Variants in PPEF1 observed in about 807,000 individuals in gnomAD.
The protein encoded by PPEF1 is serine/threonine-protein phosphatase with EF-hands 1.
Under a neutral mutation model 53.3 loss-of-function variants are expected in PPEF1, and 12 were observed. The ratio of observed to expected loss-of-function variants is 0.23; its 90% CI spans 0.14 to 0.36. The LOEUF (loss-of-function observed/expected upper bound fraction) is 0.36. Among genes scored for constraint, PPEF1 ranks in the 10% least tolerant of loss-of-function variants. The pLI is 1.00. For synonymous variants in PPEF1, 165 were observed against 176.7 expected (o/e 0.93, Z 0.52); for missense variants, 334 against 490.4 (o/e 0.68, Z 3.01).
chrX:18,713,468 A>G (rs1286655981), intron 1 of PPEF1, among the ~76,000 whole-genome samples: 1 of 92,958 alleles, frequency 1.1e-5, no homozygotes, highest in African/African-American at 4.1e-5. Context: ...CTTATGGAGC[A>G]GGGCAAACCC....
chrX:18,766,932 A>T (rs1181443696), intron 6 of PPEF1, among the ~76,000 whole-genome samples: 1 of 111,759 alleles, frequency 8.9e-6, no homozygotes, highest in Non-Finnish European at 1.9e-5. Flanking sequence ...CATGCCTGTA[A>T]TCCCAGCTAC....
intron 6 of PPEF1, among the ~76,000 whole-genome samples, chrX:18,702,529 C>A (rs898225271): frequency 9.3e-6 from 1 of 107,275 alleles, no homozygotes; most frequent in African/African-American, 3.4e-5. Flanking sequence ...GAAATCAGAC[C>A]ACCTTAAGAA....
At chrX:18,818,366 T>TA in intron 13 of PPEF1, among the ~76,000 whole-genome samples, 1 of 81,024 alleles carries the variant, frequency 1.2e-5, no homozygotes, top group Non-Finnish European at 2.4e-5. Flanking sequence ...AACCCTGAAT[T>TA]AAACTTTTTT....
At chrX:18,789,775 C>G (rs1180515206) in intron 10 of PPEF1, among the ~76,000 whole-genome samples, 1 of 112,364 alleles carries the variant, frequency 8.9e-6, no homozygotes, top group East Asian at 2.8e-4. Context: ...CAGTACTGAA[C>G]ATCTATTTGT....
chrX:18,802,211 G>A (rs1480365142), intron 10 of PPEF1, among the ~76,000 whole-genome samples: 3 of 109,291 alleles, frequency 2.7e-5, no homozygotes. Flanking sequence ...AACACATTCC[G>A]GCACCACCAC....
intron 3 of PPEF1, among the ~76,000 whole-genome samples, chrX:18,737,040 C>G (rs2045000393): frequency 9.0e-6 from 1 of 111,427 alleles, no homozygotes; most frequent in African/African-American, 3.3e-5. Flanking sequence ...ATTAGTCTTG[C>G]TAGCAGTCTA....
chrX:18,749,747 T>TGGGGGGGGGGGGC, intron 3 of PPEF1, 45 bp from the exon 4 acceptor site: 1 of 191,881 alleles, frequency 5.2e-6, no homozygotes, highest in Non-Finnish European at 1.1e-5. Context: ...AAATGTTGAT[T>TGGGGGGGGGGGGC]CCCACCCCCA....
chrX:18,707,959 G>T, intron 1 of PPEF1, 133 bp downstream of exon 1: 1 of 508,939 alleles, frequency 2.0e-6, no homozygotes, highest in East Asian at 3.7e-5. Context: ...CATCGTTAGA[G>T]TAGCATAGGA....
chrX:18,824,288 A>C lies in PPEF1; in HGVS notation c.1665+202A>C, dbSNP rs1292950824. On this transcript the variant is annotated intron_variant, in intron 14 of 15. Coordinates refer to ENST00000470157, the MANE Select transcript of PPEF1 (RefSeq NM_001377996.1). ...AGCCCCGTCTCTACCAAAAATACAAAAATCAGCCGGGTGTGGTCGTGCCCA... is the reference window on the plus strand; with the variant it reads ...AGCCCCGTCTCTACCAAAAATACAACAATCAGCCGGGTGTGGTCGTGCCCA... Among the ~76,000 whole-genome samples, 3 of 110,886 alleles carry C rather than the reference A, an allele frequency of 2.7e-5. No homozygotes were observed. The East Asian group carries it at 8.6e-4, about 32-fold the overall frequency.
chrX:18,821,758 CGAGAGAGAGAGAGAGA>C (rs754652406), intron 13 of PPEF1, among the ~76,000 whole-genome samples: 84 of 28,631 alleles, frequency 2.9e-3, no homozygotes, highest in African/African-American at 0.011. Flanking sequence ...GAAACCATGG[CGAGAGAGAGAGAGAGA>C]GAGAGAGAGA....
At chrX:18,758,138 T>C (rs746748465) in intron 5 of PPEF1, among the ~76,000 whole-genome samples, 1 of 112,164 alleles carries the variant, frequency 8.9e-6, no homozygotes, top group African/African-American at 3.2e-5. Context: ...AATTCTTCTC[T>C]GCCCTTGGCT....
chrX:18,784,518 G>A (rs1435969770), intron 9 of PPEF1, among the ~76,000 whole-genome samples: 2 of 109,340 alleles, frequency 1.8e-5, no homozygotes, highest in Non-Finnish European at 3.8e-5. Context: ...ATCCCAGACC[G>A]AAACTCTGGA....
chrX:18,678,128 CAAAA>C (rs57502489), upstream of PPEF1, among the ~76,000 whole-genome samples: 15 of 33,754 alleles, frequency 4.4e-4, no homozygotes, highest in South Asian at 2.5e-3. Context: ...GAGAACCTGG[CAAAA>C]AAAAAAAAAA....
chrX:18,681,860 C>G (rs1928893950), upstream of PPEF1, among the ~76,000 whole-genome samples: 1 of 111,417 alleles, frequency 9.0e-6, no homozygotes, highest in Non-Finnish European at 1.9e-5. Context: ...GCCCCATAGA[C>G]AGGTTGGCCT....
chrX:18,694,180 C>T (rs1484435361), intron 4 of PPEF1, among the ~76,000 whole-genome samples: 6 of 111,727 alleles, frequency 5.4e-5, no homozygotes, highest in Admixed American at 2.8e-4. Context: ...TATGGATGTC[C>T]CACAGTTTGT....
intron 12 of PPEF1, among the ~76,000 whole-genome samples, chrX:18,808,268 C>T (rs1038501164): frequency 1.0e-4 from 11 of 110,368 alleles, no homozygotes; most frequent in African/African-American, 3.6e-4. Context: ...CCCGGCCGTA[C>T]GTATATTTTT....
chrX:18,729,284 T>C (rs1362622530), intron 1 of PPEF1, among the ~76,000 whole-genome samples: 2 of 112,015 alleles, frequency 1.8e-5, no homozygotes, highest in Non-Finnish European at 3.8e-5. Context: ...CATCAGCTCA[T>C]TGAACATTAT....
In PPEF1 at chrX:18,760,762, C is replaced by G. The variant is rs1375414378; in HGVS notation, c.512-768C>G. Among the ~76,000 whole-genome samples the G allele has an allele frequency of 2.9e-5, 3 of 103,642 alleles. No homozygotes were observed. In the Admixed American group the frequency reaches 3.2e-4, roughly 11 times the overall value. 90.0% of individuals were successfully genotyped at this position (103,642 alleles called of 115,157 possible). Reference sequence around the variant, plus strand: ...GAGTAGCTAGGATCACAGGTGCGCACCACCAAACCTGGCAATTTTTTTTTT... The same window carrying G: ...GAGTAGCTAGGATCACAGGTGCGCAGCACCAAACCTGGCAATTTTTTTTTT... On this transcript the variant is annotated intron_variant, in intron 5 of 15. Coordinates refer to ENST00000470157, the MANE Select transcript of PPEF1 (RefSeq NM_001377996.1).
At chrX:18,791,324 G>T (rs1405946835) in intron 10 of PPEF1, among the ~76,000 whole-genome samples, 1 of 111,565 alleles carries the variant, frequency 9.0e-6, no homozygotes, top group Non-Finnish European at 1.9e-5. Context: ...GGTCAATTTG[G>T]GTACTATGGC....
Sources: allele counts gnomAD v4.1 joint callset (sites outside exome capture counted in the v4.1 genomes callset), GRCh38; gene constraint gnomAD v4.1.1; transcripts MANE v1.5; gene names NCBI Gene and HGNC (gene_info 2026-07-23, HGNC 2026-07-21).